RMDN1: variants seen among roughly 807,000 people sequenced by gnomAD.
RMDN1 encodes regulator of microtubule dynamics protein 1.
RMDN1 carries 48 observed loss-of-function variants against 48.9 expected under a neutral mutation model. The ratio of observed to expected loss-of-function variants is 0.98; its 90% CI spans 0.78 to 1.25. The LOEUF (loss-of-function observed/expected upper bound fraction) is 1.25. RMDN1 is among the 50% of genes most tolerant of loss of function. The pLI, the probability that RMDN1 is intolerant of heterozygous loss-of-function variation, is 0.00. For synonymous variants in RMDN1, 148 were observed against 132.6 expected (o/e 1.12, Z -0.80); for missense variants, 418 against 373.4 (o/e 1.12, Z -0.98).
At chr8:86,483,900 A>C (rs1434490022) in intron 5 of RMDN1, among the ~76,000 whole-genome samples, 1 of 150,322 alleles carries the variant, frequency 6.7e-6, no homozygotes, top group Non-Finnish European at 1.5e-5. Flanking sequence ...AATTCTTTGC[A>C]CCTAACAGCT....
chr8:86,507,742 C>T (rs1819618791), intron 1 of RMDN1, among the ~76,000 whole-genome samples: 1 of 152,154 alleles, frequency 6.6e-6, no homozygotes, highest in African/African-American at 2.4e-5. Context: ...TTATCTATAA[C>T]CTCCCCATTT....
In RMDN1 at chr8:86,473,306, T is replaced by G. The variant is rs1251820358; in HGVS notation, c.*1002A>C. On this transcript the variant is annotated 3_prime_UTR_variant, in exon 10 of 10. Coordinates refer to ENST00000406452, the MANE Select transcript of RMDN1 (RefSeq NM_016033.3). ...TCCTTTTTACAAAACTTAAAAAGAT[T>G]TTGCAGTGGTGGCACTCCAGCCTCA... The G allele has an allele frequency of 1.0e-6, 1 of 985,296 alleles. No homozygotes were observed. The highest frequency in any genetic ancestry group is 6.2e-5 in the Admixed American group (1 of 16,256). 61.0% of individuals were successfully genotyped at this position (985,296 alleles called of 1,614,324 possible). A position where few individuals can be genotyped will look rare whatever the true frequency, so the allele number is the denominator to read the frequency against.
chr8:86,477,426 C>G (rs767284715), intron 7 of RMDN1, 102 bp from the exon 8 acceptor site: 28 of 916,968 alleles, frequency 3.1e-5, no homozygotes, highest in Non-Finnish European at 4.2e-5. Flanking sequence ...ATATTTAAGT[C>G]AGGAAGTAAA....
chr8:86,474,661 T>C (rs1221194340), intron 9 of RMDN1, 159 bp downstream of exon 9: 1 of 801,202 alleles, frequency 1.2e-6, no homozygotes, highest in Admixed American at 2.0e-5. Flanking sequence ...TTATTTCCTA[T>C]ATAGAAATAT....
At chr8:86,506,731 T>G (rs973030146) in intron 2 of RMDN1, among the ~76,000 whole-genome samples, 12 of 152,132 alleles carry the variant, frequency 7.9e-5, no homozygotes, top group African/African-American at 2.9e-4. Flanking sequence ...AGACTTCAAA[T>G]AAAAATGCAC....
chr8:86,487,846 A>G (rs908153375), intron 3 of RMDN1, among the ~76,000 whole-genome samples: 1 of 152,202 alleles, frequency 6.6e-6, no homozygotes, highest in Non-Finnish European at 1.5e-5. Flanking sequence ...AATCCTGTAG[A>G]TATTTAGAAA....
intron 2 of RMDN1, among the ~76,000 whole-genome samples, chr8:86,492,603 A>G (rs1373205948): frequency 6.6e-6 from 1 of 151,832 alleles, no homozygotes; most frequent in Non-Finnish European, 1.5e-5. Flanking sequence ...CAGTGAAATG[A>G]GATCGCACCA....
chr8:86,488,164 T>G (rs903109865), intron 3 of RMDN1, among the ~76,000 whole-genome samples: 3 of 152,204 alleles, frequency 2.0e-5, no homozygotes, highest in African/African-American at 2.4e-5. Flanking sequence ...AATGGTGGCA[T>G]GCAACATCCT....
chr8:86,506,493 C>CG (rs1187398373), intron 2 of RMDN1, among the ~76,000 whole-genome samples: 1 of 152,156 alleles, frequency 6.6e-6, no homozygotes, highest in African/African-American at 2.4e-5. Context: ...AGTCAATGTA[C>CG]AGTGTAGCCC....
chr8:86,472,419 A>C lies in RMDN1; in HGVS notation c.*1889T>G. ...CCCATTTTAAAAAGCCATCCAGCAG[A>C]ATGCCACATCCCTAGAAAGACCCAC... On this transcript the variant is annotated 3_prime_UTR_variant, in exon 10 of 10. Coordinates refer to ENST00000406452, the MANE Select transcript of RMDN1 (RefSeq NM_016033.3). 1.4e-6 allele frequency: 1 copy of C among 702,500 alleles called. No individual in the cohort carries two copies. Among genetic ancestry groups the C allele is most frequent in the Non-Finnish European group, 2.6e-6 (1 of 384,954 alleles). The allele number at this position is 702,500 out of a possible 1,614,324, so 43.5% of individuals were successfully genotyped here. A position where few individuals can be genotyped will look rare whatever the true frequency, so the allele number is the denominator to read the frequency against.
chr8:86,497,712 AAAAG>A (rs1451298247), intron 2 of RMDN1, among the ~76,000 whole-genome samples: 24 of 151,676 alleles, frequency 1.6e-4, no homozygotes, highest in East Asian at 1.4e-3. Flanking sequence ...AAAAAAAAAA[AAAAG>A]AAAGAAAGAA....
rs1255371412 is a variant in RMDN1 at position 86,503,585 on chromosome 8, CAGA to C, written c.247+3407_247+3409del. ...GAATTAGATTAGGACCATGCGGACA[CAGA>C]AGGTCACCCCAGCTCTGATCGTTGC... On this transcript the variant is annotated intron_variant, in intron 2 of 9. Transcript: ENST00000406452. The C allele has an allele frequency of 5.1e-5, 22 of 432,034 alleles. 3 individuals carry two copies. Among genetic ancestry groups the C allele is most frequent in the South Asian group, 7.9e-5 (4 of 50,640 alleles). The allele number at this position is 432,034 out of a possible 1,614,324, so 26.8% of individuals were successfully genotyped here.
intron 4 of RMDN1, 100 bp from the exon 5 acceptor site, chr8:86,485,061 CAA>C (rs1815234404): frequency 1.6e-6 from 1 of 623,284 alleles, no homozygotes; most frequent in Non-Finnish European, 2.7e-6. Context: ...TCTCATCCAA[CAA>C]AAAGTTACTG....
At chr8:86,500,396 T>C (rs1818011246) in intron 2 of RMDN1, among the ~76,000 whole-genome samples, 1 of 151,520 alleles carries the variant, frequency 6.6e-6, no homozygotes, top group Non-Finnish European at 1.5e-5. Context: ...AAAAAAGACA[T>C]ACAAGCAGCA....
intron 8 of RMDN1, among the ~76,000 whole-genome samples, chr8:86,476,083 ATAAGG>A (rs953666417): frequency 5.3e-5 from 8 of 152,214 alleles, no homozygotes; most frequent in Non-Finnish European, 1.0e-4. Context: ...CCAGAAAGAA[ATAAGG>A]TAAGGTCACT....
chr8:86,494,781 C>T (rs2131019514), intron 2 of RMDN1: 2 of 279,314 alleles, frequency 7.2e-6, no homozygotes, highest in East Asian at 2.2e-4. Context: ...CAATACCAGC[C>T]CAGCCAACAT....
In RMDN1 at chr8:86,474,311, A is replaced by T; in HGVS notation, c.942T>A (p.Asn314Lys). ...AQLLTSFSEK[N>K] is the part of the protein sequence containing the mutation. ...ATAAATCTTCTCTGAAAAGTTCTCA[A>T]TTCTTCTCACTGAAACTTGTAAGCA... Residue 314 changes from asparagine to lysine, a missense_variant, in exon 10 of 10, where the codon AAT becomes AAA. By Grantham distance (94) the Asn-to-Lys change is moderately conservative (BLOSUM62 0). Transcript: ENST00000406452. 1.2e-6 allele frequency: 2 copies of T among 1,613,720 alleles called. No individual in the cohort carries two copies. The highest frequency in any genetic ancestry group is 1.1e-5 in the South Asian group (1 of 91,002).
At chr8:86,513,145 T>C (rs986108797), upstream of RMDN1, among the ~76,000 whole-genome samples, 4 of 151,054 alleles carry the variant, frequency 2.6e-5, no homozygotes, top group South Asian at 2.1e-4. Flanking sequence ...GAAGCCAAGG[T>C]GGGTGGATCA....
At chr8:86,492,302 CAA>C (rs1339947836) in intron 2 of RMDN1, among the ~76,000 whole-genome samples, 2 of 152,110 alleles carry the variant, frequency 1.3e-5, no homozygotes, top group African/African-American at 2.4e-5. Flanking sequence ...TTCATATGCA[CAA>C]AGAGTACTAT....
Sources: allele counts gnomAD v4.1 joint callset (sites outside exome capture counted in the v4.1 genomes callset), GRCh38; gene constraint gnomAD v4.1.1; transcripts MANE v1.5; gene names NCBI Gene and HGNC (gene_info 2026-07-23, HGNC 2026-07-21).